Variants in BACC1 observed in about 807,000 individuals in gnomAD.
BACC1 encodes BPTF-associated chromatin complex component 1.
the BACC1 span, chr17:7,015,814 G>T: frequency 6.2e-7 from 1 of 1,614,150 alleles, no homozygotes; most frequent in Admixed American, 1.7e-5. Context: ...GCTGAGGGCT[G>T]CTGTGAAGCG....
the BACC1 span, chr17:7,017,182 T>G: frequency 6.2e-7 from 1 of 1,600,708 alleles, no homozygotes; most frequent in Middle Eastern, 1.7e-4. Context: ...GCAGGGTGTT[T>G]CAGGGAGGTG....
chr17:7,015,153 CGG>C, the BACC1 span: 1 of 1,572,884 alleles, frequency 6.4e-7, no homozygotes, highest in Non-Finnish European at 8.6e-7. Flanking sequence ...TCTTCTCCTG[CGG>C]GGTACGTGAG....
At chr17:7,014,818 G>A in the BACC1 span, 1 of 1,515,762 alleles carries the variant, frequency 6.6e-7, no homozygotes, top group Non-Finnish European at 8.8e-7. This position sits in a 1 kb window ranked among gnomAD's most constrained non-coding sequence, Gnocchi z 4.5. Flanking sequence ...CTCGCGTGTA[G>A]CGGCGGCGGC....
the BACC1 span, chr17:7,015,203 G>A: frequency 6.6e-7 from 1 of 1,521,524 alleles, no homozygotes; most frequent in Non-Finnish European, 8.7e-7. Flanking sequence ...CGGGCGCTTG[G>A]ACTCGGTCAC....
the BACC1 span, chr17:7,015,523 T>C: frequency 2.1e-6 from 3 of 1,408,912 alleles, no homozygotes; most frequent in Non-Finnish European, 2.8e-6. Flanking sequence ...ACAGCAGCCG[T>C]TTAACGTTGA....
At chr17:7,017,234 G>GCCCATTTTACTT in the BACC1 span, 4 of 1,613,964 alleles carry the variant, frequency 2.5e-6, no homozygotes, top group African/African-American at 2.7e-5. Flanking sequence ...CTCCATCTCG[G>GCCCATTTTACTT]CCCATTTTAC....
the BACC1 span, chr17:7,017,191 T>C: frequency 1.9e-6 from 3 of 1,608,146 alleles, no homozygotes; most frequent in Admixed American, 3.3e-5. Flanking sequence ...TTCAGGGAGG[T>C]GGGAGTGGCC....
chr17:7,017,168 C>A, the BACC1 span: 1 of 1,578,006 alleles, frequency 6.3e-7, no homozygotes, highest in Admixed American at 1.7e-5. Context: ...TGGATCAGTA[C>A]GTAGCAGGGT....
chr17:7,015,622 G>A, the BACC1 span: 4 of 1,327,844 alleles, frequency 3.0e-6, no homozygotes, highest in South Asian at 1.5e-5. Context: ...AGAGCTTTCC[G>A]CCTCCCCTTA....
At chr17:7,017,429 TC>T in the BACC1 span, 1 of 1,045,546 alleles carries the variant, frequency 9.6e-7, no homozygotes, top group East Asian at 2.4e-5. Flanking sequence ...GGCTGCCACC[TC>T]GCTATTCCCG....
chr17:7,017,417 G>C, the BACC1 span: 1 of 1,205,874 alleles, frequency 8.3e-7, no homozygotes. Flanking sequence ...AAAGGCTGCT[G>C]GGGCTGCCAC....
the BACC1 span, chr17:7,015,903 G>A: frequency 6.3e-7 from 1 of 1,593,988 alleles, no homozygotes; most frequent in Non-Finnish European, 8.6e-7. Flanking sequence ...CCAGAAAAGG[G>A]CGGGTGGGCA....
At chr17:7,017,305 C>G in the BACC1 span, 1 of 1,613,210 alleles carries the variant, frequency 6.2e-7, no homozygotes, top group Non-Finnish European at 8.5e-7. Context: ...GCTGATCCTC[C>G]TCTCCTCTCC....
chr17:7,016,086 A>C, the BACC1 span: 3 of 561,610 alleles, frequency 5.3e-6, no homozygotes, highest in Non-Finnish European at 9.4e-6. Context: ...AAGAATGTGA[A>C]TTTAGGTTGC....
chr17:7,015,520 C>T, the BACC1 span: 12 of 1,410,124 alleles, frequency 8.5e-6, no homozygotes, highest in African/African-American at 1.4e-4. Context: ...TGTACAGCAG[C>T]CGTTTAACGT....
chr17:7,015,750 A>ATCCCCC, the BACC1 span: 8 of 1,598,984 alleles, frequency 5.0e-6, no homozygotes, highest in Non-Finnish European at 6.8e-6. Context: ...CATTTTTGCT[A>ATCCCCC]TCCCCCCTCT....
At chr17:7,015,007 C>T in the BACC1 span, 3 of 1,010,914 alleles carry the variant, frequency 3.0e-6, no homozygotes, top group Non-Finnish European at 2.6e-6. Context: ...CTAGGGGCTC[C>T]GGGCGGGACG....
At chr17:7,015,593 C>T in the BACC1 span, 3 of 1,395,658 alleles carry the variant, frequency 2.1e-6, no homozygotes, top group Admixed American at 5.7e-5. Context: ...GGGGTCCTCC[C>T]GGTTCCCGCA....
the BACC1 span, chr17:7,015,204 A>C: frequency 6.6e-7 from 1 of 1,517,618 alleles, no homozygotes; most frequent in African/African-American, 1.4e-5. Flanking sequence ...GGGCGCTTGG[A>C]CTCGGTCACA....
Sources: allele counts gnomAD v4.1 joint callset, GRCh38; gene constraint gnomAD v4.1.1; non-coding constraint Gnocchi (gnomAD v3.1); transcripts MANE v1.5; gene names NCBI Gene and HGNC (gene_info 2026-07-23, HGNC 2026-07-21).